The following DNAAF10 variants were observed in gnomAD, a reference collection of about 807,000 sequenced individuals.
DNAAF10 encodes the protein dynein axonemal assembly factor 10.
A neutral mutation model predicts 43.7 loss-of-function variants in DNAAF10; 28 were observed. The ratio of observed to expected loss-of-function variants is 0.64; its 90% CI spans 0.48 to 0.88. The LOEUF (loss-of-function observed/expected upper bound fraction) is 0.88. DNAAF10 is among the 40% of genes least tolerant of loss of function. The pLI is 0.00. For synonymous variants in DNAAF10, 156 were observed against 157.3 expected (o/e 0.99, Z 0.06); for missense variants, 403 against 439.1 (o/e 0.92, Z 0.73).
At position 68,152,641 on chromosome 2, in the gene DNAAF10, C is replaced by T. The variant is rs115003602; in HGVS notation, c.183+4620G>A. On this transcript the variant is annotated intron_variant, in intron 1 of 7. Transcript: ENST00000295121. The stretch of plus-strand genomic sequence containing the variant: ...AACTAGCTGGCAAAAAAAAAAGCAG[C>T]TCTATCTTGCAAAAATTGTTCAACA... Among the ~76,000 whole-genome samples the T allele has an allele frequency of 3.5e-3, 529 of 152,146 alleles. 2 individuals carry two copies. The highest frequency in any genetic ancestry group is 0.012 in the African/African-American group (511 of 41,510).
chr2:68,142,397 C>T (rs1673206652), intron 3 of DNAAF10, among the ~76,000 whole-genome samples: 1 of 151,792 alleles, frequency 6.6e-6, no homozygotes. Flanking sequence ...GCTGGGACTA[C>T]AGGCATGCAC....
intron 1 of DNAAF10, among the ~76,000 whole-genome samples, chr2:68,150,132 A>G (rs1245559982): frequency 6.6e-6 from 1 of 152,108 alleles, no homozygotes; most frequent in East Asian, 1.9e-4. Context: ...GGTAAAAACT[A>G]ACCTACACTC....
rs757823566 is a variant in DNAAF10 at position 68,147,469 on chromosome 2, T to C, written c.282A>G (p.Ile94Met). The C allele has an allele frequency of 5.6e-6, 9 of 1,608,550 alleles. No individual in the cohort carries two copies. Among genetic ancestry groups the C allele is most frequent in the Non-Finnish European group, 3.4e-6 (4 of 1,176,652 alleles). Residue 94 changes from isoleucine to methionine, a missense_variant and splice_region_variant, in exon 2 of 8, where the codon ATA becomes ATG. Physicochemically the swap from Ile to Met is conservative, Grantham distance 10. Transcript: ENST00000295121. ...GAATACTGACTAAATCATCTTACCA[T>C]ATATGAAGGTTTCCACCAAAATCTC... ...ATGDFGGNLHIWNLEAPEMPV... is the reference protein window; with the variant it reads ...ATGDFGGNLHMWNLEAPEMPV...
intron 3 of DNAAF10, 130 bp downstream of exon 3, chr2:68,144,455 T>C (rs987479704): frequency 1.9e-5 from 23 of 1,197,642 alleles, no homozygotes; most frequent in South Asian, 2.9e-5. Flanking sequence ...GTTAAAAAAG[T>C]AGCAGCAAGA....
chr2:68,147,698 G>A (rs1022491568), intron 1 of DNAAF10, 131 bp from the exon 2 acceptor site: 7 of 580,484 alleles, frequency 1.2e-5, no homozygotes, highest in Non-Finnish European at 2.7e-6. Flanking sequence ...AACATCTTCT[G>A]ATGAAAATAA....
In DNAAF10 at chr2:68,147,651, T is replaced by TA. The variant is rs1673352300; in HGVS notation, c.184-85dup. ...ATTAATATCATATTTATGGCTCTAT[T>TA]ATGGCATTTAAATAAGACAATATAA... On this transcript the variant is annotated intron_variant, in intron 1 of 7. Transcript: ENST00000295121. 7 of 953,036 alleles carry TA rather than the reference T, an allele frequency of 7.3e-6. No homozygotes were observed. In the East Asian group the frequency reaches 2.1e-4, roughly 28 times the overall value. 59.0% of individuals were successfully genotyped at this position (953,036 alleles called of 1,614,324 possible). A position where few individuals can be genotyped will look rare whatever the true frequency, so the allele number is the denominator to read the frequency against.
In DNAAF10 at chr2:68,134,695, G is replaced by T; in HGVS notation, c.866+7C>A. ...TTAAAAGGAGCAGTGTGCACTGGCA[G>T]ACTTACTACTTCCAGAGGTGAAGGC... On this transcript the variant is annotated splice_region_variant and intron_variant, in intron 7 of 7. Transcript: ENST00000295121. 6.2e-7 allele frequency: 1 copy of T among 1,609,310 alleles called. No individual in the cohort carries two copies. The highest frequency in any genetic ancestry group is 8.5e-7 in the Non-Finnish European group (1 of 1,178,860).
intron 7 of DNAAF10, chr2:68,134,202 C>A: frequency 1.0e-6 from 1 of 987,032 alleles, no homozygotes; most frequent in Non-Finnish European, 1.2e-6. Flanking sequence ...GATGTTAGCG[C>A]CCTTGGGATT....
intron 1 of DNAAF10, among the ~76,000 whole-genome samples, chr2:68,151,426 T>A (rs1257221407): frequency 6.6e-6 from 1 of 152,206 alleles, no homozygotes; most frequent in Non-Finnish European, 1.5e-5. Flanking sequence ...GAGGTCTTCC[T>A]TGTCCCTCCA....
intron 2 of DNAAF10, among the ~76,000 whole-genome samples, chr2:68,146,421 T>A (rs1673317588): frequency 6.6e-6 from 1 of 152,248 alleles, no homozygotes; most frequent in Admixed American, 6.5e-5. Context: ...AACATGAAAT[T>A]ATAAGATTTA....
chr2:68,149,196 C>T (rs550437818), intron 1 of DNAAF10, among the ~76,000 whole-genome samples: 3 of 152,304 alleles, frequency 2.0e-5, no homozygotes, highest in African/African-American at 7.2e-5. Context: ...AGTCACTTAA[C>T]ACAAACTATA....
chr2:68,133,392 C>T (rs1422766477), intron 7 of DNAAF10, among the ~76,000 whole-genome samples: 1 of 152,048 alleles, frequency 6.6e-6, no homozygotes. Context: ...TGTGCCACCA[C>T]GCCCGGCTAG....
intron 6 of DNAAF10, among the ~76,000 whole-genome samples, chr2:68,136,528 G>A (rs879607353): frequency 1.5e-4 from 23 of 152,146 alleles, no homozygotes; most frequent in Non-Finnish European, 2.6e-4. Context: ...GAGAAGCAAC[G>A]GAGTAAGTTC....
At chr2:68,151,768 C>T (rs1379378201) in intron 1 of DNAAF10, among the ~76,000 whole-genome samples, 1 of 152,172 alleles carries the variant, frequency 6.6e-6, no homozygotes, top group Admixed American at 6.6e-5. Flanking sequence ...CATTGACATG[C>T]AATCATGAAA....
intron 2 of DNAAF10, among the ~76,000 whole-genome samples, chr2:68,146,339 G>C (rs1673316217): frequency 6.6e-6 from 1 of 152,074 alleles, no homozygotes; most frequent in Admixed American, 6.6e-5. Context: ...CTAATCAAGA[G>C]ATTAAACAAG....
intron 4 of DNAAF10, among the ~76,000 whole-genome samples, chr2:68,139,803 C>CA (rs769593748): frequency 1.9e-3 from 223 of 118,250 alleles, no homozygotes; most frequent in Middle Eastern, 4.2e-3. Flanking sequence ...GACTCTGTCT[C>CA]AAAAAAAAAA....
chr2:68,150,190 A>G (rs969827107), intron 1 of DNAAF10, among the ~76,000 whole-genome samples: 31 of 152,278 alleles, frequency 2.0e-4, no homozygotes, highest in Admixed American at 2.6e-4. Flanking sequence ...ATAAAAATAA[A>G]AAACTGGAAG....
intron 4 of DNAAF10, among the ~76,000 whole-genome samples, chr2:68,140,425 G>A (rs1673150294): frequency 6.6e-6 from 1 of 152,114 alleles, no homozygotes; most frequent in South Asian, 2.1e-4. Context: ...TGAAAACTCA[G>A]TCATCTTGGA....
rs1329468507 is a variant in DNAAF10 at position 68,130,140 on chromosome 2, T to TG, written c.*1097_*1098insC. ...GATATATATATATATATTTGTTTTT[T>TG]TTTTTTTTGAGACGGAGTCTCACTC... is the stretch of plus-strand genomic sequence containing the variant. On this transcript the variant is annotated 3_prime_UTR_variant, in exon 8 of 8. Transcript: ENST00000295121. The TG allele has an allele frequency of 2.6e-5, 3 of 117,078 alleles. No individual in the cohort carries two copies. Among genetic ancestry groups the TG allele is most frequent in the Non-Finnish European group, 5.3e-5 (3 of 56,454 alleles). The allele number at this position is 117,078 out of a possible 1,614,324, so 7.3% of individuals were successfully genotyped here.
Sources: gnomAD v4.1 joint callset for allele counts (sites outside exome capture counted in the v4.1 genomes callset) on GRCh38, gnomAD v4.1.1 for gene constraint, MANE v1.5 for transcripts, NCBI Gene and HGNC (gene_info 2026-07-23, HGNC 2026-07-21) for gene names.